CLXN: variants seen among roughly 807,000 people sequenced by gnomAD.
CLXN encodes calaxin, also known as EF-hand calcium binding domain 1.
chr8:48,721,185 AC>A, the CLXN span, among the ~76,000 whole-genome samples: 3 of 152,202 alleles, frequency 2.0e-5, no homozygotes, highest in Non-Finnish European at 4.4e-5. Context: ...TATCTGAAAA[AC>A]ATTAATAAAA....
chr8:48,735,276 T>G, the CLXN span: 1 of 1,096,086 alleles, frequency 9.1e-7, no homozygotes. Flanking sequence ...ACTGATCTCG[T>G]GCGCGGCCCT....
At chr8:48,724,875 C>T in the CLXN span, 4 of 1,280,960 alleles carry the variant, frequency 3.1e-6, no homozygotes, top group Non-Finnish European at 4.4e-6. Flanking sequence ...CTGTATGTCT[C>T]CTTAGTGTAG....
At chr8:48,729,006 AC>A in the CLXN span, 1 of 1,509,782 alleles carries the variant, frequency 6.6e-7, no homozygotes, top group Non-Finnish European at 9.1e-7. Flanking sequence ...TCTACATTCT[AC>A]TTTGATTACC....
chr8:48,724,684 A>G, the CLXN span: 1 of 1,382,086 alleles, frequency 7.2e-7, no homozygotes, highest in Non-Finnish European at 9.9e-7. Context: ...AGAAAAAATA[A>G]GCAATATGTG....
At chr8:48,731,336 T>A in the CLXN span, 1 of 1,587,970 alleles carries the variant, frequency 6.3e-7, no homozygotes, top group East Asian at 2.3e-5. Context: ...TTGAATCTTG[T>A]GTGTCTCTTA....
At chr8:48,715,675 C>T in the CLXN span, 1 of 152,174 alleles carries the variant, frequency 6.6e-6, no homozygotes, top group African/African-American at 2.4e-5. Flanking sequence ...ATTAAGCTGC[C>T]CAGAGTCCAA....
chr8:48,726,870 A>AATCAATCTATCT, the CLXN span, among the ~76,000 whole-genome samples: 57 of 136,202 alleles, frequency 4.2e-4, no homozygotes, highest in Non-Finnish European at 7.9e-4. Flanking sequence ...TGCATCTATC[A>AATCAATCTATCT]ATCTATCTAT....
At chr8:48,712,642 C>T in the CLXN span, among the ~76,000 whole-genome samples, 12 of 152,324 alleles carry the variant, frequency 7.9e-5, 1 homozygote, top group East Asian at 1.4e-3. Context: ...CAAATGCAGA[C>T]GTGCGCCCAG....
chr8:48,728,249 T>C, the CLXN span, among the ~76,000 whole-genome samples: 4 of 152,240 alleles, frequency 2.6e-5, no homozygotes, highest in African/African-American at 9.6e-5. Context: ...CCAGTGCAGA[T>C]GCATTTGCAT....
chr8:48,727,863 G>T, the CLXN span, among the ~76,000 whole-genome samples: 465 of 152,178 alleles, frequency 3.1e-3, 5 homozygotes, highest in Non-Finnish European at 4.8e-3. Context: ...AGGAGAAGAG[G>T]CTATATTCAA....
chr8:48,724,887 G>T, the CLXN span: 1 of 1,149,168 alleles, frequency 8.7e-7, no homozygotes, highest in Non-Finnish European at 1.3e-6. Flanking sequence ...TTAGTGTAGA[G>T]ACAGGATAAC....
chr8:48,718,356 T>G, the CLXN span, among the ~76,000 whole-genome samples: 3 of 152,092 alleles, frequency 2.0e-5, no homozygotes, highest in Non-Finnish European at 4.4e-5. Flanking sequence ...AATAAATTTA[T>G]AGCAATACAG....
At chr8:48,718,872 C>A in the CLXN span, among the ~76,000 whole-genome samples, 1,510 of 151,766 alleles carry the variant, frequency 9.9e-3, 24 homozygotes, top group African/African-American at 0.035. Context: ...GGTAAAAAAA[C>A]CTAACTATAC....
At chr8:48,729,312 G>A in the CLXN span, among the ~76,000 whole-genome samples, 2 of 152,066 alleles carry the variant, frequency 1.3e-5, no homozygotes, top group South Asian at 4.2e-4. Flanking sequence ...ATTCCTTGAG[G>A]CCAGAAGTTT....
chr8:48,712,752 G>A, the CLXN span, among the ~76,000 whole-genome samples: 1 of 152,166 alleles, frequency 6.6e-6, no homozygotes, highest in Admixed American at 6.5e-5. Flanking sequence ...TGTAATCCCA[G>A]CACATTGGGA....
At chr8:48,730,690 T>C in the CLXN span, 6 of 1,127,442 alleles carry the variant, frequency 5.3e-6, no homozygotes, top group Admixed American at 2.1e-5. Flanking sequence ...GCATAATAAC[T>C]CTCAGTAAAG....
chr8:48,711,811 A>G, the CLXN span: 1 of 152,206 alleles, frequency 6.6e-6, no homozygotes, highest in South Asian at 2.1e-4. Flanking sequence ...GCCCTTTTCT[A>G]GTTGAGACAC....
chr8:48,714,081 A>C, the CLXN span: 3 of 151,726 alleles, frequency 2.0e-5, no homozygotes, highest in Admixed American at 6.6e-5. Flanking sequence ...GTCCTAACCC[A>C]CCCCCCCGAC....
the CLXN span, among the ~76,000 whole-genome samples, chr8:48,712,851 T>G: frequency 6.6e-6 from 1 of 151,870 alleles, no homozygotes; most frequent in Non-Finnish European, 1.5e-5. Flanking sequence ...GTACAAAAAA[T>G]TAGCCAGACA....
Sources: gnomAD v4.1 joint callset for allele counts (sites outside exome capture counted in the v4.1 genomes callset) on GRCh38, gnomAD v4.1.1 for gene constraint, MANE v1.5 for transcripts, NCBI Gene and HGNC (gene_info 2026-07-23, HGNC 2026-07-21) for gene names.